RNPEPL1: variants seen among roughly 807,000 people sequenced by gnomAD.
RNPEPL1 encodes aminopeptidase RNPEPL1.
A neutral mutation model predicts 69.0 loss-of-function variants in RNPEPL1; 46 were observed. That is an observed-to-expected ratio of 0.67 (90% confidence interval 0.53 to 0.85). The LOEUF (loss-of-function observed/expected upper bound fraction) is 0.85, where lower values mean the gene tolerates loss of function less well. RNPEPL1 is among the 40% of genes least tolerant of loss of function. RNPEPL1 has a pLI of 0.00. For missense variants in RNPEPL1, 869 were observed against 992.5 expected (o/e 0.88, Z 1.67); for synonymous variants, 525 against 454.1 (o/e 1.16, Z -1.98).
rs1405892515 is a variant in RNPEPL1, at chr2:240,568,956, G to C, written c.370G>C (p.Glu124Gln). The C allele has an allele frequency of 7.1e-7, 1 of 1,401,760 alleles. No individual in the cohort carries two copies. Among genetic ancestry groups the C allele is most frequent in the Non-Finnish European group, 9.3e-7 (1 of 1,076,434 alleles). The allele number at this position is 1,401,760 out of a possible 1,614,324, so 86.8% of individuals were successfully genotyped here. Residue 124 changes from glutamate (E) to glutamine (Q), a missense_variant, in exon 1 of 11, where the codon GAG becomes CAG. By Grantham distance (29) the Glu-to-Gln change is conservative (BLOSUM62 2). Transcript: ENST00000270357. The surrounding 1 kb of genome is among the most constrained non-coding windows in gnomAD (Gnocchi z 6.2). ...GCCGCCCCCGCTGCCCGCCTTCCCC[G>C]AGGCGCCCGGCTCCGAGCCCGCCTG... ...APPPPLPAFP[E>Q]APGSEPACCP...
At chr2:240,571,571 C>T (rs371311416) in intron 1 of RNPEPL1, among the ~76,000 whole-genome samples, 2 of 151,844 alleles carry the variant, frequency 1.3e-5, no homozygotes, top group African/African-American at 2.4e-5. Flanking sequence ...GAAGATGAGA[C>T]GGGTGCAGCA....
Position 240,569,202 on chromosome 2 carries a change from G to C in RNPEPL1, c.528+88G>C. 3.0e-6 allele frequency: 4 copies of C among 1,329,446 alleles called. No individual in the cohort carries two copies. The South Asian group carries it at 6.9e-5, about 23-fold the overall frequency. 82.4% of individuals were successfully genotyped at this position (1,329,446 alleles called of 1,614,324 possible). A position where few individuals can be genotyped will look rare whatever the true frequency, so the allele number is the denominator to read the frequency against. On this transcript the variant is annotated intron_variant, in intron 1 of 10. Transcript: ENST00000270357. ...GCCGCACGGCCAGGCTGAGGGACGCGAATCTGCGCCCTACAGGTGCCCCCC... is the reference window on the plus strand; with the variant it reads ...GCCGCACGGCCAGGCTGAGGGACGCCAATCTGCGCCCTACAGGTGCCCCCC...
At position 240,573,128 on chromosome 2, in the gene RNPEPL1, G is replaced by A; in HGVS notation, c.688G>A (p.Val230Met). 1 of 1,609,394 alleles carries A rather than the reference G, an allele frequency of 6.2e-7. No homozygotes were observed. Among genetic ancestry groups the A allele is most frequent in the Non-Finnish European group, 8.5e-7 (1 of 1,178,514 alleles). ...CTTACAGGCGCCATCGGGGGTGCAGGTGCTGATGAGTGCCACCCGGAGTGC... is the reference window on the plus strand; with the variant it reads ...CTTACAGGCGCCATCGGGGGTGCAGATGCTGATGAGTGCCACCCGGAGTGC... The part of the protein sequence containing the change: ...AVVKAPSGVQ[V>M]LMSATRSAYM... The change falls in exon 3 of 11, where the codon GTG becomes ATG. Residue 230 changes from valine (V) to methionine (M), a missense_variant. Val to Met is a conservative substitution (Grantham distance 21, BLOSUM62 1). Coordinates refer to ENST00000270357, the MANE Select transcript of RNPEPL1 (RefSeq NM_018226.6).
In RNPEPL1 at chr2:240,579,471, G is replaced by A. The variant is rs549235498; in HGVS notation, c.*1579G>A. The A allele has an allele frequency of 5.3e-5, 8 of 152,324 alleles. No homozygotes were observed. Among genetic ancestry groups the A allele is most frequent in the African/African-American group, 1.7e-4 (7 of 41,510 alleles). 9.4% of individuals were successfully genotyped at this position (152,324 alleles called of 1,614,324 possible). A position where few individuals can be genotyped will look rare whatever the true frequency, so the allele number is the denominator to read the frequency against. On this transcript the variant is annotated 3_prime_UTR_variant, in exon 11 of 11. Coordinates refer to ENST00000270357, the MANE Select transcript of RNPEPL1 (RefSeq NM_018226.6). ...ATGTACCTTCTTCACATCAGGTCTG[G>A]GGGAGGCGCCACCCCATCCAGAGAC...
At position 240,578,612 on chromosome 2, in the gene RNPEPL1, G is replaced by T. The variant is rs1213296566; in HGVS notation, c.*720G>T. 6.6e-6 allele frequency: 1 copy of T among 152,572 alleles called. No individual in the cohort carries two copies. Among genetic ancestry groups the T allele is most frequent in the African/African-American group, 2.4e-5 (1 of 41,442 alleles). 9.5% of individuals were successfully genotyped at this position (152,572 alleles called of 1,614,324 possible). On this transcript the variant is annotated 3_prime_UTR_variant, in exon 11 of 11. Coordinates refer to ENST00000270357, the MANE Select transcript of RNPEPL1 (RefSeq NM_018226.6). ...CCAGGGAAAGTGGGAGGTGGTGCTG[G>T]TGCTCTCTCCAGGCCCACCATGCTG...
chr2:240,569,740 G>T lies in RNPEPL1; in HGVS notation c.528+626G>T, dbSNP rs918756845. 7.9e-5 allele frequency among the ~76,000 whole-genome samples: 12 copies of T among 152,244 alleles called. 1 individual carries two copies. Among genetic ancestry groups the T allele is most frequent in the African/African-American group, 2.7e-4 (11 of 41,458 alleles). On this transcript the variant is annotated intron_variant, in intron 1 of 10. Transcript: ENST00000270357. ...GGGGATGTGTACAGGATGGAGCAGG[G>T]CCTTTCCTGCCTACAGCATGGGGGT...
chr2:240,574,473 C>G lies in RNPEPL1; in HGVS notation c.1175-42C>G, dbSNP rs1051638036. The G allele has an allele frequency of 4.4e-6, 7 of 1,576,610 alleles. No individual in the cohort carries two copies. In the African/African-American group the frequency reaches 8.1e-5, roughly 18 times the overall value. On this transcript the variant is annotated intron_variant, in intron 5 of 10. Transcript: ENST00000270357. ...CACCTCCTGCTTCCCCCGACGACCC[C>G]TACACCCCCTCACCTCTCCTCTGTC... is the stretch of plus-strand genomic sequence containing the variant.
Position 240,580,594 on chromosome 2 carries a change from G to A in RNPEPL1, c.*2702G>A, listed in dbSNP as rs1010758084. Reference sequence around the variant, plus strand: ...GAACAGAGATCTCAAATGTTTCCAGGCACCTTGCCAGGGATAAGAGAGCTG... The same window carrying A: ...GAACAGAGATCTCAAATGTTTCCAGACACCTTGCCAGGGATAAGAGAGCTG... On this transcript the variant is annotated 3_prime_UTR_variant, in exon 11 of 11. Transcript: ENST00000270357. The A allele has an allele frequency of 1.3e-5, 2 of 152,206 alleles. No homozygotes were observed. The highest frequency in any genetic ancestry group is 4.8e-5 in the African/African-American group (2 of 41,434). 9.4% of individuals were successfully genotyped at this position (152,206 alleles called of 1,614,324 possible).
chr2:240,575,420 C>A, intron 7 of RNPEPL1, 82 bp from the exon 8 acceptor site: 1 of 1,226,476 alleles, frequency 8.2e-7, no homozygotes, highest in Non-Finnish European at 1.2e-6. Context: ...GGCGCACGCC[C>A]TGCAGTGCCC....
rs1197572860 is a variant in RNPEPL1 at position 240,573,318 on chromosome 2, C to CG, written c.821+62dup. 1.6e-5 allele frequency: 24 copies of CG among 1,501,918 alleles called. No homozygotes were observed. The Admixed American group carries it at 3.0e-4, about 19-fold the overall frequency. 93.0% of individuals were successfully genotyped at this position (1,501,918 alleles called of 1,614,324 possible). A position where few individuals can be genotyped will look rare whatever the true frequency, so the allele number is the denominator to read the frequency against. On this transcript the variant is annotated intron_variant, in intron 3 of 10. Transcript: ENST00000270357. The stretch of plus-strand genomic sequence containing the variant: ...GCGCAGGCCTCGGGGAGAGCCCCAC[C>CG]GGGGGTCTGTGGCCTGTGTCCACGG...
chr2:240,568,915 G>T lies in RNPEPL1; in HGVS notation c.329G>T (p.Gly110Val). The change falls in exon 1 of 11, where the codon GGG (glycine) becomes GTG (valine). Residue 110 changes from glycine to valine, a missense_variant. Transcript: ENST00000270357. This position sits in a 1 kb window ranked among gnomAD's most constrained non-coding sequence, Gnocchi z 6.2. The part of the protein sequence containing the change: ...TPCAFAFSAP[G>V]PGPAPPPPLP... ...TGCGCCTTCGCCTTCTCCGCCCCCGGGCCGGGGCCCGCGCCGCCGCCCCCG... is the reference window on the plus strand; with the variant it reads ...TGCGCCTTCGCCTTCTCCGCCCCCGTGCCGGGGCCCGCGCCGCCGCCCCCG... 7.7e-7 allele frequency: 1 copy of T among 1,295,452 alleles called. No individual in the cohort carries two copies. Among genetic ancestry groups the T allele is most frequent in the East Asian group, 3.2e-5 (1 of 30,812 alleles). The allele number at this position is 1,295,452 out of a possible 1,614,324, so 80.2% of individuals were successfully genotyped here.
In RNPEPL1 at chr2:240,576,934, G is replaced by A. The variant is rs1334804843; in HGVS notation, c.1828G>A (p.Val610Ile). ...CCGCATCCGCTGGCTGCAGATTGTG[G>A]TCCGCAACGACTACTATCCTGACCT... ...EIRIRWLQIV[V>I]RNDYYPDLHR... is the part of the protein sequence containing the mutation. The change falls in exon 10 of 11, where the codon GTC (valine) becomes ATC (isoleucine). Residue 610 changes from valine (V) to isoleucine (I), a missense_variant. This residue lies in a region of RNPEPL1 where 610 missense variants were observed against 790.9 expected (regional missense o/e 0.77). Transcript: ENST00000270357. 1 of 1,613,532 alleles carries A rather than the reference G, an allele frequency of 6.2e-7. No homozygotes were observed. The highest frequency in any genetic ancestry group is 1.1e-5 in the South Asian group (1 of 91,090).
At position 240,579,542 on chromosome 2, in the gene RNPEPL1, A is replaced by C. The variant is rs1349853002; in HGVS notation, c.*1650A>C. 2 of 152,194 alleles carry C rather than the reference A, an allele frequency of 1.3e-5. No individual in the cohort carries two copies. The highest frequency in any genetic ancestry group is 2.9e-5 in the Non-Finnish European group (2 of 68,048). 9.4% of individuals were successfully genotyped at this position (152,194 alleles called of 1,614,324 possible). On this transcript the variant is annotated 3_prime_UTR_variant, in exon 11 of 11. Coordinates refer to ENST00000270357, the MANE Select transcript of RNPEPL1 (RefSeq NM_018226.6). ...ACTGCCCCTCACACCCAGGGATAGG[A>C]TGACTGCAGTAACCCCTGTGAAAGC...
At chr2:240,569,402 C>G (rs1237517607) in intron 1 of RNPEPL1, among the ~76,000 whole-genome samples, 1 of 152,260 alleles carries the variant, frequency 6.6e-6, no homozygotes, top group African/African-American at 2.4e-5. Flanking sequence ...AGGTGTACAT[C>G]TGCAGGATCC....
intron 1 of RNPEPL1, 88 bp downstream of exon 1, chr2:240,569,202 G>A: frequency 2.3e-6 from 3 of 1,329,446 alleles, no homozygotes; most frequent in Non-Finnish European, 2.9e-6. Context: ...TGAGGGACGC[G>A]AATCTGCGCC....
chr2:240,575,325 CCT>C (rs547665292), intron 7 of RNPEPL1, 175 bp from the exon 8 acceptor site: 213 of 731,234 alleles, frequency 2.9e-4, no homozygotes, highest in South Asian at 1.2e-3. Context: ...CTTCTGCCAC[CCT>C]GTTTGCTCCC....
chr2:240,569,829 C>T (rs971514707), intron 1 of RNPEPL1, among the ~76,000 whole-genome samples: 7 of 152,230 alleles, frequency 4.6e-5, no homozygotes, highest in African/African-American at 1.7e-4. Context: ...GCAAGACACA[C>T]ACAGCTGTGG....
intron 7 of RNPEPL1, 88 bp from the exon 8 acceptor site, chr2:240,575,414 C>A: frequency 8.7e-7 from 1 of 1,154,662 alleles, no homozygotes; most frequent in African/African-American, 1.5e-5. Flanking sequence ...TACCTTGGCG[C>A]ACGCCCTGCA....
At chr2:240,575,442 G>A in intron 7 of RNPEPL1, 60 bp from the exon 8 acceptor site, 1 of 1,438,132 alleles carries the variant, frequency 7.0e-7, no homozygotes, top group Non-Finnish European at 9.8e-7. Context: ...GCAGGCCTCT[G>A]GTGGGGCTGC....
Sources: gnomAD v4.1 joint callset for allele counts (sites outside exome capture counted in the v4.1 genomes callset) on GRCh38, gnomAD v4.1.1 for gene constraint, gnomAD v4.1.1 regional missense constraint, Gnocchi (gnomAD v3.1) non-coding constraint, MANE v1.5 for transcripts, NCBI Gene and HGNC (gene_info 2026-07-23, HGNC 2026-07-21) for gene names.